LEMD1: variants seen among roughly 807,000 people sequenced by gnomAD.
The protein encoded by LEMD1 is LEM domain containing 1, also known as LEM domain-containing protein 1.
LEMD1 carries 18 observed loss-of-function variants against 17.4 expected under a neutral mutation model. The observed-to-expected ratio is 1.04, with a 90% CI of 0.72 to 1.54. The LOEUF (loss-of-function observed/expected upper bound fraction) is 1.54. Ranked by LOEUF, LEMD1 falls within the 40% of genes most tolerant of loss-of-function variation. The pLI is 0.00. For synonymous variants in LEMD1, 88 were observed against 77.8 expected (o/e 1.13, Z -0.69); for missense variants, 195 against 210.4 (o/e 0.93, Z 0.45).
At chr1:205,411,979 T>C (rs1665473884) in intron 4 of LEMD1, among the ~76,000 whole-genome samples, 1 of 152,186 alleles carries the variant, frequency 6.6e-6, no homozygotes, top group South Asian at 2.1e-4. Context: ...GACACAGATA[T>C]AAACACTTCC....
chr1:205,446,906 T>G (rs1296677384), intron 1 of LEMD1, among the ~76,000 whole-genome samples: 1 of 152,224 alleles, frequency 6.6e-6, no homozygotes, highest in East Asian at 1.9e-4. Flanking sequence ...GATTTCTCTT[T>G]GCTTCTCCTA....
At chr1:205,418,544 C>T (rs1665804391) in intron 3 of LEMD1, among the ~76,000 whole-genome samples, 1 of 152,154 alleles carries the variant, frequency 6.6e-6, no homozygotes, top group Non-Finnish European at 1.5e-5. Context: ...TAGACGGAGT[C>T]TCGCTCTGTC....
At chr1:205,444,776 C>G (rs905730570) in intron 1 of LEMD1, among the ~76,000 whole-genome samples, 6 of 152,100 alleles carry the variant, frequency 3.9e-5, no homozygotes, top group Admixed American at 6.6e-5. Context: ...GGCATGCCAG[C>G]AATTCTCTGA....
At chr1:205,408,006 G>A (rs1251635000) in intron 4 of LEMD1, among the ~76,000 whole-genome samples, 1 of 152,086 alleles carries the variant, frequency 6.6e-6, no homozygotes. Context: ...AACTGTCAAG[G>A]GCAGGAATGA....
intron 1 of LEMD1, among the ~76,000 whole-genome samples, chr1:205,444,172 G>A (rs1208402012): frequency 6.6e-6 from 1 of 151,972 alleles, no homozygotes; most frequent in African/African-American, 2.4e-5. Flanking sequence ...AGGGACTAAG[G>A]AATGGAAAAA....
At chr1:205,389,033 C>CTTTTT (rs1278093645) in intron 4 of LEMD1, among the ~76,000 whole-genome samples, 7 of 77,134 alleles carry the variant, frequency 9.1e-5, no homozygotes, top group Non-Finnish European at 1.9e-4. Flanking sequence ...AGTACATTTG[C>CTTTTT]TTTCTTTTTT....
At chr1:205,401,600 C>T (rs1034544299) in intron 4 of LEMD1, among the ~76,000 whole-genome samples, 22 of 152,022 alleles carry the variant, frequency 1.4e-4, no homozygotes, top group African/African-American at 5.1e-4. Flanking sequence ...GATATTAGCC[C>T]TTTGTCAGAT....
At chr1:205,388,829 G>A (rs1220689459) in intron 4 of LEMD1, among the ~76,000 whole-genome samples, 1 of 151,894 alleles carries the variant, frequency 6.6e-6, no homozygotes, top group East Asian at 1.9e-4. Flanking sequence ...TTTCATAAGG[G>A]TGTTTTTTTC....
At chr1:205,407,763 T>C (rs1195977054) in intron 4 of LEMD1, among the ~76,000 whole-genome samples, 1 of 152,134 alleles carries the variant, frequency 6.6e-6, no homozygotes, top group African/African-American at 2.4e-5. Flanking sequence ...GGACTTGAGA[T>C]TGGCATTTTA....
At chr1:205,407,046 T>G (rs1286389805) in intron 4 of LEMD1, among the ~76,000 whole-genome samples, 1 of 152,114 alleles carries the variant, frequency 6.6e-6, no homozygotes, top group Non-Finnish European at 1.5e-5. Context: ...AGATTTGAAC[T>G]TGGGACTGGG....
At chr1:205,420,802 C>T (rs1665928562) in intron 1 of LEMD1, among the ~76,000 whole-genome samples, 1 of 152,144 alleles carries the variant, frequency 6.6e-6, no homozygotes, top group South Asian at 2.1e-4. Context: ...CTTTAGGGCT[C>T]AATTAGTTAC....
upstream of LEMD1, among the ~76,000 whole-genome samples, chr1:205,424,470 C>CTAAA (rs1167765350): frequency 6.6e-6 from 1 of 152,110 alleles, no homozygotes; most frequent in Non-Finnish European, 1.5e-5. Flanking sequence ...TATGCTTGGC[C>CTAAA]TAAATCAAGG....
intron 4 of LEMD1, chr1:205,386,307 TTC>T (rs1491142655): frequency 1.1e-4 from 1 of 9,490 alleles, no homozygotes. Context: ...CTGTGCCCCC[TTC>T]TTTTTTTTTT....
intron 4 of LEMD1, among the ~76,000 whole-genome samples, chr1:205,415,475 A>G (rs1665656009): frequency 6.6e-6 from 1 of 152,198 alleles, no homozygotes; most frequent in Non-Finnish European, 1.5e-5. Context: ...ACAGAGATAC[A>G]GAACCAAGAA....
chr1:205,430,318 C>G (rs1309639264), intron 1 of LEMD1, among the ~76,000 whole-genome samples: 1 of 152,156 alleles, frequency 6.6e-6, no homozygotes, highest in African/African-American at 2.4e-5. Context: ...GACGGCTGGG[C>G]GGAGGGGCAT....
At chr1:205,392,601 T>C (rs1240249275) in intron 4 of LEMD1, among the ~76,000 whole-genome samples, 1 of 151,376 alleles carries the variant, frequency 6.6e-6, no homozygotes, top group African/African-American at 2.4e-5. Flanking sequence ...AATGGCAGAA[T>C]AGAGAAGACA....
In LEMD1 at chr1:205,441,995, G is replaced by A. The variant is rs542162199; in HGVS notation, c.-39+7873C>T. 1.3e-5 allele frequency among the ~76,000 whole-genome samples: 2 copies of A among 152,294 alleles called. No individual in the cohort carries two copies. Among genetic ancestry groups the A allele is most frequent in the East Asian group, 3.9e-4 (2 of 5,172 alleles). On this transcript the variant is annotated intron_variant, in intron 1 of 3. Coordinates refer to the LEMD1 transcript ENST00000367154. The surrounding 1 kb of genome is among the most constrained non-coding windows in gnomAD (Gnocchi z 4.3). ...TGCAAGAGTATCCCTTTCTCCAAAG[G>A]CTCATTTAGGTTTCCCTAGCCTTAA... is the stretch of plus-strand genomic sequence containing the variant.
At chr1:205,434,153 G>A (rs1666167718) in intron 1 of LEMD1, among the ~76,000 whole-genome samples, 2 of 150,672 alleles carry the variant, frequency 1.3e-5, no homozygotes, top group South Asian at 4.2e-4. Context: ...TACAGTCTTA[G>A]GTTCTGAGAA....
intron 1 of LEMD1, among the ~76,000 whole-genome samples, chr1:205,443,155 T>C (rs1465856367): frequency 2.6e-5 from 4 of 152,118 alleles, no homozygotes; most frequent in African/African-American, 9.7e-5. Context: ...CCCATGATTA[T>C]TGAAAAATAC....
Sources: allele counts gnomAD v4.1 joint callset (sites outside exome capture counted in the v4.1 genomes callset), GRCh38; gene constraint gnomAD v4.1.1; non-coding constraint Gnocchi (gnomAD v3.1); transcripts MANE v1.5; gene names NCBI Gene and HGNC (gene_info 2026-07-23, HGNC 2026-07-21).